The following SUMF1 variants were observed in gnomAD, a reference collection of about 807,000 sequenced individuals.
The protein encoded by SUMF1 is formylglycine-generating enzyme.
SUMF1 carries 48 observed loss-of-function variants against 47.6 expected under a neutral mutation model. The ratio of observed to expected loss-of-function variants is 1.01; its 90% CI spans 0.80 to 1.28. The LOEUF is 1.28. Ranked by LOEUF, SUMF1 falls within the 50% of genes most tolerant of loss-of-function variation. The pLI is 0.00. For synonymous variants in SUMF1, 230 were observed against 192.1 expected, an observed-to-expected ratio of 1.20 and a Z score of -1.63; for missense variants, 571 against 485.4, an observed-to-expected ratio of 1.18 and a Z score of -1.66.
chr3:4,291,025 T>C (rs1441361548), intron 8 of SUMF1, among the ~76,000 whole-genome samples: 1 of 152,204 alleles, frequency 6.6e-6, no homozygotes, highest in East Asian at 1.9e-4. Context: ...GGAGAGGTAG[T>C]GATACTGCCT....
At chr3:4,463,173 A>G (rs1247786639) in intron 1 of SUMF1, among the ~76,000 whole-genome samples, 1 of 152,244 alleles carries the variant, frequency 6.6e-6, no homozygotes, top group African/African-American at 2.4e-5. Flanking sequence ...CTTCCAATGT[A>G]GAATATCAGA....
At chr3:4,223,963 C>A (rs181925045) in intron 8 of SUMF1, among the ~76,000 whole-genome samples, 1 of 152,080 alleles carries the variant, frequency 6.6e-6, no homozygotes, top group African/African-American at 2.4e-5. Flanking sequence ...TCTCTTCTGA[C>A]AGAAACAGTC....
At chr3:4,237,976 T>A (rs1696447664) in intron 8 of SUMF1, among the ~76,000 whole-genome samples, 1 of 149,934 alleles carries the variant, frequency 6.7e-6, no homozygotes, top group African/African-American at 2.5e-5. Context: ...TTCCCCTCCC[T>A]GTTTCCATGT....
chr3:4,057,598 G>A (rs770122757), intron 9 of SUMF1, among the ~76,000 whole-genome samples: 3 of 152,114 alleles, frequency 2.0e-5, no homozygotes, highest in Admixed American at 6.6e-5. Context: ...ATAGAAAGGA[G>A]AATAATGCCC....
At chr3:4,222,791 G>A (rs36035342) in intron 8 of SUMF1, among the ~76,000 whole-genome samples, 2 of 151,868 alleles carry the variant, frequency 1.3e-5, no homozygotes, top group Non-Finnish European at 1.5e-5. Flanking sequence ...AGTCATTGCC[G>A]CTGGGTGAGG....
At chr3:4,405,427 C>T (rs1466495495) in intron 7 of SUMF1, among the ~76,000 whole-genome samples, 3 of 152,216 alleles carry the variant, frequency 2.0e-5, no homozygotes, top group African/African-American at 7.2e-5. Context: ...GGCTCTGTCA[C>T]CAAGGCTAGA....
At chr3:4,302,766 A>G (rs1698001981) in intron 8 of SUMF1, among the ~76,000 whole-genome samples, 1 of 152,186 alleles carries the variant, frequency 6.6e-6, no homozygotes, top group Non-Finnish European at 1.5e-5. Context: ...CACCGGATTC[A>G]GCAGTCTTGA....
intron 8 of SUMF1, among the ~76,000 whole-genome samples, chr3:4,245,790 C>T (rs573399289): frequency 1.3e-5 from 2 of 152,140 alleles, no homozygotes; most frequent in East Asian, 1.9e-4. Flanking sequence ...CAGGCAGGGA[C>T]GTTTAAGTCT....
At chr3:4,171,553 C>A (rs534611024) in intron 8 of SUMF1, among the ~76,000 whole-genome samples, 1 of 152,178 alleles carries the variant, frequency 6.6e-6, no homozygotes, top group East Asian at 1.9e-4. Context: ...CTTGCCTGGA[C>A]ACTGAAATAC....
intron 1 of SUMF1, among the ~76,000 whole-genome samples, chr3:4,459,178 AAT>A (rs2079744874): frequency 6.6e-6 from 1 of 152,232 alleles, no homozygotes; most frequent in African/African-American, 2.4e-5. Flanking sequence ...ATTATTAAAA[AAT>A]AGATTTTAAA....
intron 7 of SUMF1, among the ~76,000 whole-genome samples, chr3:4,385,138 T>G (rs1575159929): frequency 6.6e-6 from 1 of 152,088 alleles, no homozygotes; most frequent in East Asian, 1.9e-4. Context: ...AGCCTGCCTT[T>G]GCCTCCCAAA....
intron 8 of SUMF1, among the ~76,000 whole-genome samples, chr3:4,339,462 AG>A (rs1699223738): frequency 6.6e-6 from 1 of 152,186 alleles, no homozygotes; most frequent in Non-Finnish European, 1.5e-5. Context: ...CGAAGACCTC[AG>A]CCAACCCGCA....
At chr3:4,334,119 C>T (rs1699100582) in intron 8 of SUMF1, among the ~76,000 whole-genome samples, 1 of 150,882 alleles carries the variant, frequency 6.6e-6, no homozygotes, top group South Asian at 2.1e-4. Context: ...CAAAGCAAGA[C>T]CCATCTTTAA....
At chr3:4,438,648 TATATA>T (rs1221846869) in intron 3 of SUMF1, among the ~76,000 whole-genome samples, 1 of 152,104 alleles carries the variant, frequency 6.6e-6, no homozygotes, top group Non-Finnish European at 1.5e-5. Context: ...AGCTTTAATA[TATATA>T]AAGCAAAACT....
intron 9 of SUMF1, among the ~76,000 whole-genome samples, chr3:4,053,686 G>A (rs1343527412): frequency 6.6e-6 from 1 of 152,068 alleles, no homozygotes; most frequent in African/African-American, 2.4e-5. Flanking sequence ...GGGAGAATAG[G>A]GTCATAAGGT....
chr3:4,253,420 G>A (rs971547232), intron 8 of SUMF1, among the ~76,000 whole-genome samples: 19 of 152,098 alleles, frequency 1.2e-4, no homozygotes, highest in African/African-American at 2.2e-4. Context: ...GTGCACGAGC[G>A]GAAGCAGGGC....
intron 3 of SUMF1, among the ~76,000 whole-genome samples, chr3:4,442,045 G>C (rs1053749368): frequency 6.6e-6 from 1 of 152,156 alleles, no homozygotes; most frequent in Non-Finnish European, 1.5e-5. Flanking sequence ...GCAGTGGTTG[G>C]GCAGGAGAAA....
rs149843693 is a variant in SUMF1, at chr3:4,040,229, A to G, written c.1191+28340T>C. Among the ~76,000 whole-genome samples the G allele has an allele frequency of 4.3e-3, 659 of 152,268 alleles. 6 individuals are homozygous for G. The highest frequency in any genetic ancestry group is 0.015 in the African/African-American group (637 of 41,540). On this transcript the variant is annotated intron_variant and NMD_transcript_variant, in intron 9 of 12. Coordinates refer to the SUMF1 transcript ENST00000448413. ...TTTAATTTGTCAATTATACTTCAAT[A>G]AAGCTTGGGAAAATAAATAAAACAA...
At chr3:4,326,112 G>C (rs986182247) in intron 8 of SUMF1, among the ~76,000 whole-genome samples, 1 of 152,160 alleles carries the variant, frequency 6.6e-6, no homozygotes, top group Non-Finnish European at 1.5e-5. Context: ...GTGAGCCACA[G>C]TGCCCAGCTA....
Sources: allele counts gnomAD v4.1 joint callset (sites outside exome capture counted in the v4.1 genomes callset), GRCh38; gene constraint gnomAD v4.1.1; transcripts MANE v1.5; gene names NCBI Gene and HGNC (gene_info 2026-07-23, HGNC 2026-07-21).